The following CDH8 variants were observed in gnomAD, a reference collection of about 807,000 sequenced individuals.
The protein encoded by CDH8 is cadherin 8, also known as cadherin-8.
In CDH8, 17 loss-of-function variants were observed where a neutral mutation model predicts 68.1. The ratio of observed to expected loss-of-function variants is 0.25; its 90% CI spans 0.17 to 0.37. The LOEUF (loss-of-function observed/expected upper bound fraction) is 0.37, where lower values mean the gene tolerates loss of function less well. Ranked by LOEUF, CDH8 falls within the 10% of genes least tolerant of loss-of-function variation. CDH8 has a pLI of 1.00. For synonymous variants in CDH8, 372 were observed against 365.1 expected (o/e 1.02, Z -0.21); for missense variants, 763 against 999.3 (o/e 0.76, Z 3.19).
intron 8 of CDH8, among the ~76,000 whole-genome samples, chr16:61,727,814 T>A (rs866476928): frequency 5.6e-4 from 84 of 151,330 alleles, no homozygotes; most frequent in South Asian, 1.9e-3. Flanking sequence ...GTCATTTTCA[T>A]GAGGACTTTT....
chr16:61,887,740 T>C (rs1473003104), intron 3 of CDH8, among the ~76,000 whole-genome samples: 1 of 152,172 alleles, frequency 6.6e-6, no homozygotes, highest in East Asian at 1.9e-4. Flanking sequence ...AACACAATTC[T>C]GATCCCATCA....
At chr16:62,029,842 T>C (rs1167092468) in intron 1 of CDH8, among the ~76,000 whole-genome samples, 2 of 152,190 alleles carry the variant, frequency 1.3e-5, no homozygotes, top group East Asian at 1.9e-4. Context: ...TCGTCAGAGA[T>C]TGCAACTAAC....
At chr16:61,959,335 T>C (rs1235728539) in intron 2 of CDH8, among the ~76,000 whole-genome samples, 3 of 152,170 alleles carry the variant, frequency 2.0e-5, no homozygotes, top group Non-Finnish European at 4.4e-5. Context: ...AAGGGTGTTT[T>C]CCTTTCTTCC....
chr16:61,925,323 T>C (rs751120794), intron 2 of CDH8, among the ~76,000 whole-genome samples: 7 of 152,242 alleles, frequency 4.6e-5, no homozygotes, highest in Non-Finnish European at 1.0e-4. Flanking sequence ...GTTGTTTTAA[T>C]AGAACACTGA....
At chr16:61,900,872 CT>C (rs1467428393) in intron 3 of CDH8, among the ~76,000 whole-genome samples, 1 of 152,162 alleles carries the variant, frequency 6.6e-6, no homozygotes, top group Non-Finnish European at 1.5e-5. Flanking sequence ...TAGAACAAAT[CT>C]TGATAAATCT....
chr16:61,985,918 C>CTTT (rs71134380), intron 2 of CDH8, among the ~76,000 whole-genome samples: 53 of 91,108 alleles, frequency 5.8e-4, no homozygotes, highest in African/African-American at 1.1e-3. Context: ...CCTTTCTTTA[C>CTTT]TTTTTTTTTT....
rs368788324 is a variant in CDH8 at position 61,839,401 on chromosome 16, G to T, written c.668-14222C>A. On this transcript the variant is annotated intron_variant, in intron 4 of 11. Transcript: ENST00000577390. ...TTGTATTTGTTTTATATATTTAGAG[G>T]AAAGTATAAAATAAGCCTGAAGATC... Among the ~76,000 whole-genome samples the T allele has an allele frequency of 1.4e-4, 22 of 152,190 alleles. No homozygotes were observed. The East Asian group carries it at 3.7e-3, about 25-fold the overall frequency.
chr16:61,731,474 G>A (rs1284390416), intron 8 of CDH8, among the ~76,000 whole-genome samples: 3 of 151,666 alleles, frequency 2.0e-5, no homozygotes, highest in Non-Finnish European at 4.4e-5. Flanking sequence ...TGTGGTCAGG[G>A]ACAGAGACAA....
chr16:61,956,325 C>A (rs542276117), intron 2 of CDH8, among the ~76,000 whole-genome samples: 1 of 152,044 alleles, frequency 6.6e-6, no homozygotes, highest in Non-Finnish European at 1.5e-5. Context: ...CTAAAAGAGG[C>A]AAGACAACCT....
chr16:61,972,401 GTTTTGAA>G (rs941314345), intron 2 of CDH8, among the ~76,000 whole-genome samples: 1 of 152,162 alleles, frequency 6.6e-6, no homozygotes, highest in Non-Finnish European at 1.5e-5. Context: ...AGTTAGGTGG[GTTTTGAA>G]TGGGGTAGTG....
Position 61,652,515 on chromosome 16 carries a change from T to C in CDH8, c.*1093A>G. 9.9e-7 allele frequency: 1 copy of C among 1,011,308 alleles called. No individual in the cohort carries two copies. The highest frequency in any genetic ancestry group is 4.6e-5 in the South Asian group (1 of 21,556). The allele number at this position is 1,011,308 out of a possible 1,614,324, so 62.6% of individuals were successfully genotyped here. A position where few individuals can be genotyped will look rare whatever the true frequency, so the allele number is the denominator to read the frequency against. Reference sequence around the variant, plus strand: ...AGTTTGTCTGGGAAGATGCTGTTCCTGCCATCTCCAGTTACAATAACACTT... The same window carrying C: ...AGTTTGTCTGGGAAGATGCTGTTCCCGCCATCTCCAGTTACAATAACACTT... On this transcript the variant is annotated 3_prime_UTR_variant, in exon 12 of 12. Coordinates refer to ENST00000577390, the MANE Select transcript of CDH8 (RefSeq NM_001796.5).
intron 2 of CDH8, among the ~76,000 whole-genome samples, chr16:62,018,188 T>C (rs1333807273): frequency 6.6e-6 from 1 of 152,144 alleles, no homozygotes; most frequent in African/African-American, 2.4e-5. Context: ...AGAGAGTACA[T>C]CTCTGATGCT....
chr16:61,873,819 G>A (rs1963413651), intron 3 of CDH8, among the ~76,000 whole-genome samples: 1 of 152,162 alleles, frequency 6.6e-6, no homozygotes, highest in Non-Finnish European at 1.5e-5. Flanking sequence ...ACTTTGCGAA[G>A]CCAAGGCAGG....
chr16:61,934,675 C>T (rs1290610211), intron 2 of CDH8, among the ~76,000 whole-genome samples: 2 of 152,108 alleles, frequency 1.3e-5, no homozygotes, highest in Non-Finnish European at 2.9e-5. Flanking sequence ...TCTTTCCCTG[C>T]CCCTAAATGG....
intron 7 of CDH8, among the ~76,000 whole-genome samples, chr16:61,792,693 T>G: frequency 6.6e-6 from 1 of 152,026 alleles, no homozygotes; most frequent in Non-Finnish European, 1.5e-5. Context: ...ATTGTGAAGT[T>G]CATGCATAAA....
At chr16:61,812,051 C>T (rs867069412) in intron 7 of CDH8, among the ~76,000 whole-genome samples, 11 of 152,036 alleles carry the variant, frequency 7.2e-5, no homozygotes, top group South Asian at 4.1e-4. Context: ...TTATTAAGTG[C>T]TCTTTACACA....
At chr16:62,013,845 A>C (rs911018332) in intron 2 of CDH8, among the ~76,000 whole-genome samples, 3 of 152,162 alleles carry the variant, frequency 2.0e-5, no homozygotes, top group African/African-American at 7.2e-5. Flanking sequence ...AAACAGAATT[A>C]TATAATCTGG....
chr16:61,728,549 T>C (rs1415964296), intron 8 of CDH8, among the ~76,000 whole-genome samples: 1 of 151,092 alleles, frequency 6.6e-6, no homozygotes, highest in Non-Finnish European at 1.5e-5. Context: ...TATTCTTCAT[T>C]CAGGGAGGAA....
chr16:61,748,446 T>C (rs1397755838), intron 8 of CDH8, among the ~76,000 whole-genome samples: 7 of 152,140 alleles, frequency 4.6e-5, no homozygotes, highest in East Asian at 3.9e-4. Flanking sequence ...GCTACACTTA[T>C]AGGCGCTACA....
Sources: gnomAD v4.1 joint callset for allele counts (sites outside exome capture counted in the v4.1 genomes callset) on GRCh38, gnomAD v4.1.1 for gene constraint, MANE v1.5 for transcripts, NCBI Gene and HGNC (gene_info 2026-07-23, HGNC 2026-07-21) for gene names.